The following GRK3 variants were observed in gnomAD, a reference collection of about 807,000 sequenced individuals.
GRK3 encodes the protein adrenergic, beta, receptor kinase 2.
GRK3 carries 54 observed loss-of-function variants against 95.7 expected under a neutral mutation model. The ratio of observed to expected loss-of-function variants is 0.56; its 90% CI spans 0.45 to 0.71. The LOEUF is 0.71. Among genes scored for constraint, GRK3 ranks in the 30% least tolerant of loss-of-function variants. GRK3 has a pLI of 0.00. For synonymous variants in GRK3, 281 were observed against 290.8 expected (o/e 0.97, Z 0.34); for missense variants, 649 against 851.2 (o/e 0.76, Z 2.96).
At chr22:25,711,681 A>T (rs182097102) in intron 17 of GRK3, among the ~76,000 whole-genome samples, 1 of 151,846 alleles carries the variant, frequency 6.6e-6, no homozygotes, top group African/African-American at 2.4e-5. Flanking sequence ...ATAATTAGAG[A>T]TGGTGAGTCA....
Position 25,722,434 on chromosome 22 carries a change from A to C in GRK3, c.2051A>C (p.Asn684Thr). 6.2e-7 allele frequency: 1 copy of C among 1,614,156 alleles called. No homozygotes were observed. Among genetic ancestry groups the C allele is most frequent in the Admixed American group, 1.7e-5 (1 of 60,026 alleles). Residue 684 changes from asparagine (N) to threonine (T), a missense_variant, in exon 21 of 21, where the codon AAC becomes ACC. Physicochemically the swap from Asn to Thr is moderately conservative, Grantham distance 65. This residue lies in a region of GRK3 where 382 missense variants were observed against 493.8 expected (regional missense o/e 0.77). Coordinates refer to ENST00000324198, the MANE Select transcript of GRK3 (RefSeq NM_005160.4). Reference sequence around the variant, plus strand: ...CCAAAGCCATCCCTCTGTCACAGAAACAGCAACGGCCTCTAGCACCCAGAA... The same window carrying C: ...CCAAAGCCATCCCTCTGTCACAGAACCAGCAACGGCCTCTAGCACCCAGAA... The part of the protein sequence containing the change: ...ELPKPSLCHR[N>T]SNGL
At chr22:25,650,276 C>T (rs1264878118) in intron 3 of GRK3, among the ~76,000 whole-genome samples, 1 of 152,144 alleles carries the variant, frequency 6.6e-6, no homozygotes, top group Non-Finnish European at 1.5e-5. Flanking sequence ...CTCCTGACCT[C>T]GTGATCCGCC....
chr22:25,596,735 TA>T (rs1482433446), intron 1 of GRK3, among the ~76,000 whole-genome samples: 1 of 152,244 alleles, frequency 6.6e-6, no homozygotes, highest in Non-Finnish European at 1.5e-5. Flanking sequence ...TTGAGACTCA[TA>T]ATTTACTTGA....
Position 25,678,783 on chromosome 22 carries a change from G to A in GRK3, c.648-33G>A, listed in dbSNP as rs374160084. 2.0e-5 allele frequency: 26 copies of A among 1,292,906 alleles called. No homozygotes were observed. The highest frequency in any genetic ancestry group is 1.9e-4 in the Admixed American group (10 of 51,926). 80.1% of individuals were successfully genotyped at this position (1,292,906 alleles called of 1,614,324 possible). On this transcript the variant is annotated intron_variant, in intron 8 of 20. Transcript: ENST00000324198. ...TTTAAATTAGTCTAGATATATTTAC[G>A]GCATAGATTTTTCAATAAATTTATG...
At chr22:25,673,419 AT>A (rs879830854) in intron 7 of GRK3, among the ~76,000 whole-genome samples, 230 of 138,708 alleles carry the variant, frequency 1.7e-3, no homozygotes, top group African/African-American at 3.4e-3. Flanking sequence ...GAAATGATCT[AT>A]TTTTTTTTTT....
chr22:25,618,218 A>G (rs1569166083), intron 2 of GRK3, among the ~76,000 whole-genome samples: 1 of 152,254 alleles, frequency 6.6e-6, no homozygotes, highest in Non-Finnish European at 1.5e-5. Context: ...CTGTGAACAT[A>G]CACTATCATT....
chr22:25,676,266 G>C (rs2085028235), intron 8 of GRK3, among the ~76,000 whole-genome samples: 1 of 152,052 alleles, frequency 6.6e-6, no homozygotes, highest in East Asian at 1.9e-4. Flanking sequence ...TTCTTATTCT[G>C]TACTTGCACA....
chr22:25,699,696 T>C (rs903939795), intron 13 of GRK3, among the ~76,000 whole-genome samples: 16 of 149,592 alleles, frequency 1.1e-4, no homozygotes, highest in African/African-American at 4.0e-4. Flanking sequence ...TTTCTTTTCT[T>C]TTCTTTTTTT....
chr22:25,616,014 A>G (rs912604771), intron 2 of GRK3, among the ~76,000 whole-genome samples: 3 of 149,230 alleles, frequency 2.0e-5, no homozygotes, highest in Non-Finnish European at 4.4e-5. Flanking sequence ...CAGGGAGTAC[A>G]GTGGGAGTTG....
intron 2 of GRK3, among the ~76,000 whole-genome samples, chr22:25,612,873 G>A (rs1448205385): frequency 6.6e-6 from 1 of 150,400 alleles, no homozygotes; most frequent in African/African-American, 2.4e-5. Flanking sequence ...AATCTGAGCA[G>A]TTTCTATAAT....
chr22:25,699,947 C>T (rs1187842010), intron 13 of GRK3, among the ~76,000 whole-genome samples: 2 of 152,198 alleles, frequency 1.3e-5, no homozygotes, highest in Non-Finnish European at 1.5e-5. Flanking sequence ...ATCTGCCCGC[C>T]TCGGCCTCCC....
At chr22:25,716,248 A>G (rs2085383713) in intron 18 of GRK3, among the ~76,000 whole-genome samples, 1 of 152,114 alleles carries the variant, frequency 6.6e-6, no homozygotes, top group Non-Finnish European at 1.5e-5. Flanking sequence ...TTGGCCTCCC[A>G]AAGTGCTGGG....
chr22:25,680,828 CT>C (rs1245522738), intron 9 of GRK3, among the ~76,000 whole-genome samples: 1 of 152,046 alleles, frequency 6.6e-6, no homozygotes, highest in African/African-American at 2.4e-5. Flanking sequence ...TTTAATAAAA[CT>C]TAGTTGAAAA....
intron 2 of GRK3, among the ~76,000 whole-genome samples, chr22:25,618,184 G>T (rs1395607568): frequency 6.6e-6 from 1 of 152,220 alleles, no homozygotes. Flanking sequence ...GAATAAAGCT[G>T]CCACAGGCAT....
intron 2 of GRK3, among the ~76,000 whole-genome samples, chr22:25,631,503 T>C (rs942769207): frequency 1.3e-5 from 2 of 152,262 alleles, no homozygotes; most frequent in Admixed American, 1.3e-4. Context: ...GCTTTATTCC[T>C]GGCTCAACTG....
intron 18 of GRK3, 93 bp from the exon 19 acceptor site, chr22:25,718,152 A>C: frequency 7.0e-7 from 1 of 1,429,514 alleles, no homozygotes; most frequent in Non-Finnish European, 9.5e-7. Flanking sequence ...TGCTTTTTCC[A>C]AAAAGCATGT....
chr22:25,588,725 G>T (rs1209515231), intron 1 of GRK3, among the ~76,000 whole-genome samples: 2 of 151,866 alleles, frequency 1.3e-5, no homozygotes, highest in Admixed American at 1.3e-4. Flanking sequence ...TTTTCTTGAG[G>T]GTCAGTAATG....
chr22:25,689,744 A>G (rs961980962), intron 11 of GRK3, among the ~76,000 whole-genome samples: 16 of 152,208 alleles, frequency 1.1e-4, no homozygotes, highest in African/African-American at 3.9e-4. Flanking sequence ...ATACATTCTT[A>G]GAAACTTCCT....
intron 2 of GRK3, among the ~76,000 whole-genome samples, chr22:25,622,432 G>A (rs938162442): frequency 6.6e-6 from 1 of 152,180 alleles, no homozygotes. Flanking sequence ...TTGTTTAGGG[G>A]ACATTTCTTT....
Sources: gnomAD v4.1 joint callset for allele counts (sites outside exome capture counted in the v4.1 genomes callset) on GRCh38, gnomAD v4.1.1 for gene constraint, gnomAD v4.1.1 regional missense constraint, MANE v1.5 for transcripts, NCBI Gene and HGNC (gene_info 2026-07-23, HGNC 2026-07-21) for gene names.